Variants in ZRANB3 observed in about 807,000 individuals in gnomAD.
ZRANB3 encodes the protein zinc finger RANBP2-type containing 3.
A neutral mutation model predicts 133.8 loss-of-function variants in ZRANB3; 125 were observed. The ratio of observed to expected loss-of-function variants is 0.93; its 90% confidence interval spans 0.81 to 1.08. ZRANB3 has a LOEUF of 1.08. Ranked by LOEUF, ZRANB3 falls within the 50% of genes least tolerant of loss-of-function variation. The pLI, the probability that ZRANB3 is intolerant of heterozygous loss-of-function variation, is 0.00. For missense variants in ZRANB3, 1,229 were observed against 1,275.5 expected (o/e 0.96, Z 0.56); for synonymous variants, 387 against 432.7 (o/e 0.89, Z 1.31).
intron 14 of ZRANB3, among the ~76,000 whole-genome samples, 177 bp downstream of exon 14, chr2:135,227,635 A>T (rs1019565186): frequency 6.6e-6 from 1 of 152,212 alleles, no homozygotes; most frequent in Admixed American, 6.5e-5. Flanking sequence ...CAACAGACAC[A>T]CTCAGCTCTT....
intron 2 of ZRANB3, among the ~76,000 whole-genome samples, chr2:135,476,691 C>CTT (rs774332012): frequency 1.2e-4 from 16 of 135,566 alleles, no homozygotes; most frequent in Non-Finnish European, 1.6e-4. Flanking sequence ...ATTTCTTTTC[C>CTT]TTTTTTTTTT....
chr2:135,458,718 G>GATCT (rs1291958901), intron 2 of ZRANB3, among the ~76,000 whole-genome samples: 1 of 151,986 alleles, frequency 6.6e-6, no homozygotes. Flanking sequence ...GAGACACAGA[G>GATCT]ATCTATTCTA....
At chr2:135,472,508 A>C (rs1299074499) in intron 2 of ZRANB3, among the ~76,000 whole-genome samples, 1 of 151,684 alleles carries the variant, frequency 6.6e-6, no homozygotes, top group East Asian at 1.9e-4. Context: ...AAAAAAAAAA[A>C]AAAAAAAAAA....
At chr2:135,515,225 T>C (rs188228271) in intron 1 of ZRANB3, among the ~76,000 whole-genome samples, 1 of 152,316 alleles carries the variant, frequency 6.6e-6, no homozygotes, top group Non-Finnish European at 1.5e-5. Flanking sequence ...CAGCTCCTCT[T>C]AGTACCTCTG....
intron 2 of ZRANB3, among the ~76,000 whole-genome samples, chr2:135,456,326 A>AG (rs1690517019): frequency 6.6e-6 from 1 of 152,184 alleles, no homozygotes; most frequent in African/African-American, 2.4e-5. Flanking sequence ...CTAGCTGGCA[A>AG]GGGGGAATAG....
chr2:135,316,348 C>T (rs1683250557), intron 6 of ZRANB3, among the ~76,000 whole-genome samples: 1 of 152,152 alleles, frequency 6.6e-6, no homozygotes. Flanking sequence ...ATTGAACTTA[C>T]ACATTAGGAC....
chr2:135,313,488 C>A lies in ZRANB3; in HGVS notation c.966+1G>T. On this transcript the variant is annotated splice_donor_variant, in intron 8 of 20. Transcript: ENST00000264159. LOFTEE classifies it high-confidence loss of function. ...ATACATGATGGCCCAGCAAAGAGTA[C>A]CTTGGCAATAGCAGTTTGTTTAAAC... 6.3e-7 allele frequency: 1 copy of A among 1,594,682 alleles called. No individual in the cohort carries two copies. The highest frequency in any genetic ancestry group is 8.6e-7 in the Non-Finnish European group (1 of 1,164,608).
chr2:135,511,040 T>C (rs1693429883), intron 1 of ZRANB3: 6 of 777,928 alleles, frequency 7.7e-6, no homozygotes, highest in Non-Finnish European at 1.4e-5. Flanking sequence ...CTCACATCCT[T>C]TGATCCCTTT....
intron 2 of ZRANB3, among the ~76,000 whole-genome samples, chr2:135,429,390 G>T (rs984625541): frequency 4.6e-5 from 7 of 152,124 alleles, no homozygotes; most frequent in African/African-American, 1.4e-4. Flanking sequence ...CTTGAGGGTG[G>T]AGAGTGGGAG....
intron 6 of ZRANB3, among the ~76,000 whole-genome samples, chr2:135,343,817 A>G (rs1255753742): frequency 6.7e-6 from 1 of 150,236 alleles, no homozygotes; most frequent in Non-Finnish European, 1.5e-5. Flanking sequence ...TAATGGGCAA[A>G]TGTCACAAGC....
intron 12 of ZRANB3, among the ~76,000 whole-genome samples, chr2:135,257,948 T>G (rs1338752916): frequency 1.3e-5 from 2 of 152,142 alleles, no homozygotes; most frequent in African/African-American, 4.8e-5. Flanking sequence ...TCAGATTTAG[T>G]GGGGCAAGTT....
At chr2:135,337,145 T>C (rs1684404904) in intron 6 of ZRANB3, among the ~76,000 whole-genome samples, 1 of 152,160 alleles carries the variant, frequency 6.6e-6, no homozygotes, top group South Asian at 2.1e-4. Context: ...ATTAAAAAGC[T>C]TGCCTAATCT....
intron 8 of ZRANB3, among the ~76,000 whole-genome samples, chr2:135,300,990 G>A (rs1425059981): frequency 6.6e-6 from 1 of 151,902 alleles, no homozygotes; most frequent in Non-Finnish European, 1.5e-5. Context: ...CTCCAGCCTA[G>A]TCTCAGTCAG....
intron 3 of ZRANB3, among the ~76,000 whole-genome samples, chr2:135,384,399 G>A (rs1367181121): frequency 3.3e-5 from 5 of 152,000 alleles, no homozygotes; most frequent in East Asian, 1.9e-4. Context: ...ATTCACAGCC[G>A]AATTCTACCA....
At chr2:135,332,646 A>G (rs1684200765) in intron 6 of ZRANB3, among the ~76,000 whole-genome samples, 1 of 152,022 alleles carries the variant, frequency 6.6e-6, no homozygotes. Flanking sequence ...ACCTACTCCA[A>G]CTATCCCTAT....
intron 3 of ZRANB3, among the ~76,000 whole-genome samples, chr2:135,386,112 C>G (rs549435208): frequency 6.6e-6 from 1 of 152,102 alleles, no homozygotes; most frequent in Admixed American, 6.6e-5. Context: ...GGGCTAATAT[C>G]CAGAATCTAC....
At chr2:135,203,592 C>T (rs1470330773) in intron 19 of ZRANB3, among the ~76,000 whole-genome samples, 1 of 133,894 alleles carries the variant, frequency 7.5e-6, no homozygotes, top group Non-Finnish European at 1.5e-5. Context: ...GCACTCCAGC[C>T]TGGGTGACAG....
chr2:135,463,176 T>C (rs74540445), intron 2 of ZRANB3, among the ~76,000 whole-genome samples: 1 of 152,126 alleles, frequency 6.6e-6, no homozygotes, highest in African/African-American at 2.4e-5. Flanking sequence ...AAAAATTGTT[T>C]TAAGTTGCTA....
intron 19 of ZRANB3, among the ~76,000 whole-genome samples, chr2:135,203,612 C>CAAAA (rs1051712787): frequency 9.7e-5 from 6 of 61,948 alleles, no homozygotes; most frequent in Non-Finnish European, 1.1e-4. Flanking sequence ...GACTCGGTCT[C>CAAAA]AAAAAAAAAA....
Sources: gnomAD v4.1 joint callset for allele counts (sites outside exome capture counted in the v4.1 genomes callset) on GRCh38, gnomAD v4.1.1 for gene constraint, MANE v1.5 for transcripts, NCBI Gene and HGNC (gene_info 2026-07-23, HGNC 2026-07-21) for gene names.